AUTS2: variants seen among roughly 807,000 people sequenced by gnomAD.
AUTS2 encodes autism susceptibility gene 2 protein.
AUTS2 carries 17 observed loss-of-function variants against 112.4 expected under a neutral mutation model. The observed-to-expected ratio is 0.15, with a 90% CI of 0.10 to 0.23. The LOEUF (loss-of-function observed/expected upper bound fraction) is 0.23. AUTS2 is among the 10% of genes least tolerant of loss of function. AUTS2 has a pLI of 1.00. For synonymous variants in AUTS2, 751 were observed against 702.7 expected, an observed-to-expected ratio of 1.07 and a Z score of -1.09; for missense variants, 1,510 against 1,701.6, an observed-to-expected ratio of 0.89 and a Z score of 1.98.
chr7:69,863,367 A>G (rs1793077876), intron 1 of AUTS2, among the ~76,000 whole-genome samples: 1 of 152,194 alleles, frequency 6.6e-6, no homozygotes, highest in South Asian at 2.1e-4. Flanking sequence ...AGTAGGTTAT[A>G]TGCAAATTTT....
intron 4 of AUTS2, among the ~76,000 whole-genome samples, chr7:70,402,726 C>A (rs555340169): frequency 6.6e-6 from 1 of 152,162 alleles, no homozygotes; most frequent in South Asian, 2.1e-4. Context: ...CCTTTCTGAG[C>A]TTCAGTCTCC....
At chr7:70,019,563 A>G (rs1259815893) in intron 2 of AUTS2, among the ~76,000 whole-genome samples, 5 of 152,170 alleles carry the variant, frequency 3.3e-5, no homozygotes, top group Admixed American at 6.5e-5. Context: ...TGTCAGTGAC[A>G]TCTAGTAGAT....
At chr7:70,628,950 G>T (rs1469061988) in intron 5 of AUTS2, among the ~76,000 whole-genome samples, 2 of 152,150 alleles carry the variant, frequency 1.3e-5, no homozygotes. Context: ...GATTCCAGCT[G>T]AATGTAAGGA....
chr7:69,683,744 A>G (rs1796925915), intron 1 of AUTS2, among the ~76,000 whole-genome samples: 2 of 152,026 alleles, frequency 1.3e-5, no homozygotes, highest in South Asian at 4.2e-4. Flanking sequence ...TACTAAAAAA[A>G]AAACCAAAAA....
intron 5 of AUTS2, among the ~76,000 whole-genome samples, chr7:70,560,283 T>C (rs1463672033): frequency 6.6e-6 from 1 of 152,204 alleles, no homozygotes; most frequent in Non-Finnish European, 1.5e-5. Flanking sequence ...TGAGCCAACA[T>C]TTAGACAGAC....
chr7:69,618,564 A>G (rs1296854495), intron 1 of AUTS2, among the ~76,000 whole-genome samples: 1 of 152,126 alleles, frequency 6.6e-6, no homozygotes, highest in Non-Finnish European at 1.5e-5. Flanking sequence ...CCCAGACACC[A>G]CCAGTGCCCA....
intron 1 of AUTS2, among the ~76,000 whole-genome samples, chr7:69,719,282 G>A (rs1387963983): frequency 6.6e-6 from 1 of 152,078 alleles, no homozygotes; most frequent in Admixed American, 6.5e-5. Flanking sequence ...TATCCCCCAA[G>A]TATCAGACTT....
chr7:70,574,702 T>C (rs1482893018), intron 5 of AUTS2, among the ~76,000 whole-genome samples: 1 of 152,176 alleles, frequency 6.6e-6, no homozygotes. Flanking sequence ...TGCTGCACTG[T>C]AGAAAACTGT....
At chr7:70,475,233 T>A (rs987042376) in intron 5 of AUTS2, among the ~76,000 whole-genome samples, 3 of 152,200 alleles carry the variant, frequency 2.0e-5, no homozygotes, top group African/African-American at 7.2e-5. Flanking sequence ...GCAAAAATTT[T>A]CACTTGAGGA....
intron 5 of AUTS2, among the ~76,000 whole-genome samples, chr7:70,451,659 ATATT>A (rs757887356): frequency 1.4e-4 from 21 of 152,218 alleles, no homozygotes; most frequent in Non-Finnish European, 2.9e-4. Context: ...AGGATGTTAA[ATATT>A]TATTTTAGAA....
intron 1 of AUTS2, among the ~76,000 whole-genome samples, chr7:69,628,615 CT>C (rs1219406369): frequency 6.6e-6 from 1 of 152,098 alleles, no homozygotes. Context: ...CCTCAGGAAA[CT>C]TACATGGTGA....
intron 1 of AUTS2, among the ~76,000 whole-genome samples, chr7:69,673,837 A>C (rs922403004): frequency 4.6e-5 from 7 of 152,208 alleles, no homozygotes; most frequent in African/African-American, 1.2e-4. Context: ...GATGTGGACT[A>C]TTAAGCCAAA....
intron 4 of AUTS2, among the ~76,000 whole-genome samples, chr7:70,426,273 G>T (rs1795434341): frequency 6.6e-6 from 1 of 152,114 alleles, no homozygotes; most frequent in Non-Finnish European, 1.5e-5. Context: ...AGACCAGCTT[G>T]AACCAACCCT....
intron 4 of AUTS2, among the ~76,000 whole-genome samples, chr7:70,185,625 A>C (rs143956333): frequency 6.6e-6 from 1 of 152,364 alleles, no homozygotes; most frequent in African/African-American, 2.4e-5. Context: ...ATCGAAAATC[A>C]GTCAGTCATG....
At chr7:70,769,945 G>A (rs139261488) in intron 10 of AUTS2, among the ~76,000 whole-genome samples, 5 of 152,088 alleles carry the variant, frequency 3.3e-5, no homozygotes, top group Non-Finnish European at 5.9e-5. Flanking sequence ...AAAGAAAGTG[G>A]TAAGAACATC....
intron 1 of AUTS2, among the ~76,000 whole-genome samples, chr7:69,880,425 A>C (rs972305752): frequency 2.6e-5 from 4 of 152,202 alleles, no homozygotes; most frequent in African/African-American, 9.7e-5. Context: ...TGATTTTGGC[A>C]GGTGATAAGC....
chr7:70,272,154 A>G (rs909596574), intron 4 of AUTS2, among the ~76,000 whole-genome samples: 3 of 152,104 alleles, frequency 2.0e-5, no homozygotes, highest in Admixed American at 1.3e-4. Flanking sequence ...TGTATGAAAG[A>G]GCCAGGCTTG....
intron 1 of AUTS2, among the ~76,000 whole-genome samples, chr7:69,674,132 A>G (rs1796454391): frequency 6.6e-6 from 1 of 152,214 alleles, no homozygotes; most frequent in Middle Eastern, 3.2e-3. Flanking sequence ...TGTGTCTGGG[A>G]CAAGCCTGAA....
intron 3 of AUTS2, among the ~76,000 whole-genome samples, chr7:70,121,084 C>T (rs1805656710): frequency 6.6e-6 from 1 of 152,166 alleles, no homozygotes; most frequent in Non-Finnish European, 1.5e-5. Flanking sequence ...AGTGCCAAGA[C>T]ACTTCAATGG....
Sources: allele counts gnomAD v4.1 joint callset (sites outside exome capture counted in the v4.1 genomes callset), GRCh38; gene constraint gnomAD v4.1.1; transcripts MANE v1.5; gene names NCBI Gene and HGNC (gene_info 2026-07-23, HGNC 2026-07-21).